The following EDIL3 variants were observed in gnomAD, a reference collection of about 807,000 sequenced individuals.
EDIL3 encodes the protein EGF like and discoidin domains 3.
In EDIL3, 37 loss-of-function variants were observed where a neutral mutation model predicts 67.4. That is an observed-to-expected ratio of 0.55 (90% confidence interval 0.42 to 0.72). The LOEUF (loss-of-function observed/expected upper bound fraction) is 0.72. Among genes scored for constraint, EDIL3 ranks in the 30% least tolerant of loss-of-function variants. EDIL3 has a pLI of 0.00. For missense variants in EDIL3, 527 were observed against 586.3 expected, an observed-to-expected ratio of 0.90 and a Z score of 1.04; for synonymous variants, 195 against 196.3, an observed-to-expected ratio of 0.99 and a Z score of 0.05.
At chr5:84,222,862 A>G (rs547500874) in intron 3 of EDIL3, among the ~76,000 whole-genome samples, 1 of 151,800 alleles carries the variant, frequency 6.6e-6, no homozygotes, top group South Asian at 2.1e-4. Context: ...TGAGTTACCT[A>G]TATATTTCGG....
chr5:84,223,878 C>T (rs1018514490), intron 3 of EDIL3, among the ~76,000 whole-genome samples: 6 of 151,190 alleles, frequency 4.0e-5, no homozygotes, highest in Admixed American at 6.6e-5. Flanking sequence ...ACATTGTATA[C>T]CTTAAATTTA....
intron 1 of EDIL3, among the ~76,000 whole-genome samples, chr5:84,309,558 T>C (rs1236702065): frequency 6.6e-6 from 1 of 151,756 alleles, no homozygotes; most frequent in Non-Finnish European, 1.5e-5. Context: ...GTGTTCTCAT[T>C]GTTCAATTCC....
At chr5:84,360,558 A>G (rs998577990) in intron 1 of EDIL3, among the ~76,000 whole-genome samples, 18 of 152,198 alleles carry the variant, frequency 1.2e-4, no homozygotes, top group African/African-American at 4.3e-4. Flanking sequence ...AGATTAGTAA[A>G]TAAGGAATAA....
At chr5:84,178,785 G>T (rs186025897) in intron 4 of EDIL3, among the ~76,000 whole-genome samples, 41 of 152,124 alleles carry the variant, frequency 2.7e-4, no homozygotes, top group African/African-American at 9.4e-4. Flanking sequence ...CAGAAAATAG[G>T]GACTAGGTGG....
At chr5:83,995,312 C>T (rs908415911) in intron 9 of EDIL3, among the ~76,000 whole-genome samples, 2 of 152,220 alleles carry the variant, frequency 1.3e-5, no homozygotes, top group Admixed American at 6.5e-5. Flanking sequence ...CACATTTGTA[C>T]ATAAACACAC....
intron 1 of EDIL3, among the ~76,000 whole-genome samples, chr5:84,322,798 T>C (rs866042522): frequency 6.6e-6 from 1 of 151,914 alleles, no homozygotes; most frequent in African/African-American, 2.4e-5. Flanking sequence ...AAAAGGCAAA[T>C]AGAAAATTTT....
intron 1 of EDIL3, among the ~76,000 whole-genome samples, chr5:84,267,851 C>A (rs1446626295): frequency 6.6e-6 from 1 of 152,098 alleles, no homozygotes; most frequent in African/African-American, 2.4e-5. Context: ...ATAATTTGGC[C>A]AAAGGCCAGG....
At chr5:84,225,578 A>G (rs1744434580) in intron 3 of EDIL3, among the ~76,000 whole-genome samples, 1 of 151,654 alleles carries the variant, frequency 6.6e-6, no homozygotes, top group Non-Finnish European at 1.5e-5. Context: ...TAGCATTATA[A>G]CACAAGTAAA....
chr5:84,355,727 T>A (rs1370100656), intron 1 of EDIL3, among the ~76,000 whole-genome samples: 1 of 152,142 alleles, frequency 6.6e-6, no homozygotes, highest in Non-Finnish European at 1.5e-5. Context: ...TGTCGACCCC[T>A]GCCAGGAGGT....
intron 1 of EDIL3, among the ~76,000 whole-genome samples, chr5:84,274,617 G>A (rs1745537356): frequency 6.6e-6 from 1 of 152,092 alleles, no homozygotes; most frequent in Non-Finnish European, 1.5e-5. Flanking sequence ...TTAGTAAAAT[G>A]TGGAATAATT....
At chr5:84,132,047 A>G (rs571646363) in intron 5 of EDIL3, among the ~76,000 whole-genome samples, 2 of 151,220 alleles carry the variant, frequency 1.3e-5, no homozygotes, top group African/African-American at 4.9e-5. Context: ...AGCCTGGCTA[A>G]TATGGTGAAA....
At chr5:84,151,433 A>C (rs371129) in intron 4 of EDIL3, among the ~76,000 whole-genome samples, 53,530 of 151,618 alleles carry the variant, frequency 0.35, 10,239 homozygotes, top group East Asian at 0.74. Context: ...GAAAAGAGGC[A>C]GGTCTTATGG....
At chr5:84,291,588 G>C (rs1158190724) in intron 1 of EDIL3, among the ~76,000 whole-genome samples, 1 of 150,812 alleles carries the variant, frequency 6.6e-6, no homozygotes, top group Non-Finnish European at 1.5e-5. Context: ...AGAGATAGGT[G>C]ACTAACCACC....
intron 1 of EDIL3, among the ~76,000 whole-genome samples, chr5:84,381,510 A>C (rs1002579295): frequency 6.6e-6 from 1 of 152,204 alleles, no homozygotes; most frequent in Non-Finnish European, 1.5e-5. Flanking sequence ...ATGTAACTAT[A>C]CTAATCATAA....
intron 9 of EDIL3, among the ~76,000 whole-genome samples, chr5:84,021,521 C>G (rs568120619): frequency 9.1e-4 from 139 of 152,032 alleles, no homozygotes; most frequent in Middle Eastern, 3.4e-3. Context: ...CAAAGTTCCT[C>G]TTGGTATTGA....
intron 9 of EDIL3, among the ~76,000 whole-genome samples, chr5:83,971,444 A>C (rs942635559): frequency 6.6e-6 from 1 of 151,236 alleles, no homozygotes; most frequent in Non-Finnish European, 1.5e-5. Context: ...TTAACCTTTT[A>C]TTTTTTGCAG....
At chr5:84,319,802 CA>C (rs1430593870) in intron 1 of EDIL3, among the ~76,000 whole-genome samples, 1 of 152,124 alleles carries the variant, frequency 6.6e-6, no homozygotes, top group African/African-American at 2.4e-5. Context: ...ACATATATGC[CA>C]CAGAATACTA....
At chr5:84,224,154 G>A (rs1008212224) in intron 3 of EDIL3, among the ~76,000 whole-genome samples, 6 of 151,402 alleles carry the variant, frequency 4.0e-5, no homozygotes, top group African/African-American at 1.2e-4. Context: ...TTTAACCAGC[G>A]ACTTATTGTA....
chr5:84,218,560 C>T (rs1451997027), intron 3 of EDIL3, among the ~76,000 whole-genome samples: 2 of 152,198 alleles, frequency 1.3e-5, no homozygotes, highest in Non-Finnish European at 2.9e-5. Flanking sequence ...CAAAAATCAG[C>T]TTAGGTAGCA....
Sources: gnomAD v4.1 joint callset for allele counts (sites outside exome capture counted in the v4.1 genomes callset) on GRCh38, gnomAD v4.1.1 for gene constraint, MANE v1.5 for transcripts, NCBI Gene and HGNC (gene_info 2026-07-23, HGNC 2026-07-21) for gene names.